Variants in METTL15 observed in about 807,000 individuals in gnomAD.
METTL15 encodes the protein 12S rRNA N(4)-cytidine methyltransferase METTL15.
A neutral mutation model predicts 38.3 loss-of-function variants in METTL15; 34 were observed. The observed-to-expected ratio is 0.89, with a 90% CI of 0.68 to 1.18. METTL15 has a LOEUF of 1.18. Ranked by LOEUF, METTL15 falls within the 50% of genes most tolerant of loss-of-function variation. METTL15 has a pLI of 0.00. For missense variants in METTL15, 438 were observed against 498.4 expected, an observed-to-expected ratio of 0.88 and a Z score of 1.15; for synonymous variants, 162 against 170.9, an observed-to-expected ratio of 0.95 and a Z score of 0.41.
intron 4 of METTL15, among the ~76,000 whole-genome samples, chr11:28,217,770 T>C (rs922624243): frequency 6.6e-5 from 10 of 152,230 alleles, no homozygotes; most frequent in South Asian, 2.1e-4. Context: ...TTCAGCTTTC[T>C]ACATATGGCT....
At position 28,341,316 on chromosome 11, in the gene METTL15, T is replaced by TA. The variant is rs567847530; in HGVS notation, c.*190-10766dup. Among the ~76,000 whole-genome samples the TA allele has an allele frequency of 8.5e-5, 13 of 152,142 alleles. No individual in the cohort carries two copies. In the East Asian group the frequency reaches 2.3e-3, roughly 27 times the overall value. On this transcript the variant is annotated intron_variant and NMD_transcript_variant, in intron 3 of 7. Coordinates refer to the METTL15 transcript ENST00000532947. The stretch of plus-strand genomic sequence containing the variant: ...TGTATCTCAAAACTTAAAGTATAAT[T>TA]AAAAAAAATTTGCTATTCTATTTAC...
chr11:28,415,820 A>T (rs769151264), intron 5 of METTL15, among the ~76,000 whole-genome samples: 1 of 152,304 alleles, frequency 6.6e-6, no homozygotes, highest in African/African-American at 2.4e-5. Context: ...ATGTTAGAAA[A>T]TAGAATCCAT....
chr11:28,117,239 G>GTT (rs1852004943), intron 3 of METTL15, among the ~76,000 whole-genome samples: 1 of 62,036 alleles, frequency 1.6e-5, no homozygotes, highest in Non-Finnish European at 3.6e-5. Flanking sequence ...ATATGTATGT[G>GTT]TGTGTGTGTG....
chr11:28,420,024 A>G (rs1446498921), intron 5 of METTL15, among the ~76,000 whole-genome samples: 5 of 152,166 alleles, frequency 3.3e-5, no homozygotes, highest in African/African-American at 9.6e-5. Flanking sequence ...TACAAGATCT[A>G]GAAAATATAG....
intron 5 of METTL15, among the ~76,000 whole-genome samples, chr11:28,397,059 T>A (rs1310761388): frequency 1.3e-5 from 2 of 152,096 alleles, no homozygotes; most frequent in Non-Finnish European, 2.9e-5. Flanking sequence ...TGAAACTGGA[T>A]CCCTTCCTTA....
intron 3 of METTL15, among the ~76,000 whole-genome samples, chr11:28,127,571 A>G (rs1852550560): frequency 1.3e-5 from 2 of 152,096 alleles, no homozygotes; most frequent in African/African-American, 2.4e-5. Context: ...TTTCCTTGCT[A>G]TTGTTAATCA....
At chr11:28,387,783 A>G (rs1016777629) in intron 5 of METTL15, among the ~76,000 whole-genome samples, 34 of 152,108 alleles carry the variant, frequency 2.2e-4, no homozygotes, top group African/African-American at 8.2e-4. Context: ...GAATATTGGG[A>G]CAAATTTCCT....
intron 6 of METTL15, among the ~76,000 whole-genome samples, chr11:28,326,766 T>G (rs193054189): frequency 6.6e-6 from 1 of 151,860 alleles, no homozygotes; most frequent in Admixed American, 6.6e-5. Context: ...TTTTTGTTTT[T>G]GTTTTTGTTT....
chr11:28,290,187 C>A lies in METTL15; in HGVS notation c.408-19C>A, dbSNP rs1023127620. On this transcript the variant is annotated intron_variant, in intron 4 of 6. Transcript: ENST00000407364. ...AATCTAACAGAAGTGTTTTCTCTAT[C>A]TCCTGGGTTTACTCACAGTAAACAA... 1 of 1,589,406 alleles carries A rather than the reference C, an allele frequency of 6.3e-7. No individual in the cohort carries two copies. Among genetic ancestry groups the A allele is most frequent in the African/African-American group, 1.3e-5 (1 of 74,226 alleles).
intron 4 of METTL15, among the ~76,000 whole-genome samples, chr11:28,261,769 A>G (rs534307808): frequency 4.6e-5 from 7 of 152,180 alleles, no homozygotes; most frequent in Non-Finnish European, 8.8e-5. Flanking sequence ...TTTCTCTGAT[A>G]CACTGAAGAC....
chr11:28,471,900 C>T (rs912341382), intron 6 of METTL15, among the ~76,000 whole-genome samples: 1 of 152,054 alleles, frequency 6.6e-6, no homozygotes, highest in East Asian at 1.9e-4. Flanking sequence ...AAAACTCTCT[C>T]AATGAACTAC....
intron 6 of METTL15, among the ~76,000 whole-genome samples, chr11:28,439,047 C>T (rs1427230687): frequency 1.3e-5 from 2 of 150,470 alleles, no homozygotes; most frequent in African/African-American, 4.9e-5. Context: ...GCTGTAAGTG[C>T]TGTGATGGAT....
intron 3 of METTL15, among the ~76,000 whole-genome samples, chr11:28,116,323 A>G (rs1851956600): frequency 6.6e-6 from 1 of 152,158 alleles, no homozygotes; most frequent in Non-Finnish European, 1.5e-5. Flanking sequence ...ATTGTCTTCA[A>G]TTTTTAAAGA....
intron 6 of METTL15, among the ~76,000 whole-genome samples, chr11:28,311,083 A>T (rs1286689361): frequency 6.6e-6 from 1 of 151,742 alleles, no homozygotes; most frequent in Non-Finnish European, 1.5e-5. Flanking sequence ...TTAAACTAGC[A>T]CAGCAGTTTG....
At chr11:28,256,723 A>G (rs1371851233) in intron 4 of METTL15, among the ~76,000 whole-genome samples, 1 of 151,358 alleles carries the variant, frequency 6.6e-6, no homozygotes, top group Non-Finnish European at 1.5e-5. Flanking sequence ...AATCTTTATT[A>G]TTTATTTTCT....
chr11:28,314,251 T>C (rs1281017172), intron 6 of METTL15, among the ~76,000 whole-genome samples: 2 of 152,204 alleles, frequency 1.3e-5, no homozygotes, highest in East Asian at 3.8e-4. Flanking sequence ...GAAAGATAAA[T>C]ATTTTTTGAA....
intron 5 of METTL15, among the ~76,000 whole-genome samples, chr11:28,400,997 A>G (rs778233696): frequency 6.6e-6 from 1 of 152,004 alleles, no homozygotes; most frequent in Non-Finnish European, 1.5e-5. Flanking sequence ...ACAGCTGTCA[A>G]GAAGAAGTCA....
intron 5 of METTL15, among the ~76,000 whole-genome samples, chr11:28,365,903 T>C (rs1456896626): frequency 3.3e-5 from 5 of 151,826 alleles, no homozygotes; most frequent in African/African-American, 4.8e-5. Context: ...TACAAAAAAT[T>C]AGTCGGGCGT....
intron 6 of METTL15, among the ~76,000 whole-genome samples, chr11:28,492,352 A>G (rs923648863): frequency 6.6e-6 from 1 of 151,984 alleles, no homozygotes; most frequent in Non-Finnish European, 1.5e-5. Flanking sequence ...TGCTTCTTTT[A>G]CTGCTGTTGA....
Sources: gnomAD v4.1 joint callset for allele counts (sites outside exome capture counted in the v4.1 genomes callset) on GRCh38, gnomAD v4.1.1 for gene constraint, MANE v1.5 for transcripts, NCBI Gene and HGNC (gene_info 2026-07-23, HGNC 2026-07-21) for gene names.